The following NRXN1 variants were observed in gnomAD, a reference collection of about 807,000 sequenced individuals.
The protein encoded by NRXN1 is neurexin 1.
In NRXN1, 39 loss-of-function variants were observed where a neutral mutation model predicts 150.9. The ratio of observed to expected loss-of-function variants is 0.26; its 90% CI spans 0.20 to 0.34. The LOEUF (loss-of-function observed/expected upper bound fraction) is 0.34, where lower values mean the gene tolerates loss of function less well. Among genes scored for constraint, NRXN1 ranks in the 10% least tolerant of loss-of-function variants. The pLI, the probability that NRXN1 is intolerant of heterozygous loss-of-function variation, is 1.00. For missense variants in NRXN1, 1,815 were observed against 1,949.9 expected, an observed-to-expected ratio of 0.93 and a Z score of 1.30; for synonymous variants, 924 against 757.0, an observed-to-expected ratio of 1.22 and a Z score of -3.62.
intron 17 of NRXN1, among the ~76,000 whole-genome samples, chr2:50,460,880 A>G (rs1271922489): frequency 1.3e-5 from 2 of 152,036 alleles, no homozygotes; most frequent in Non-Finnish European, 2.9e-5. Context: ...CATACTCACA[A>G]AGAGTATCTG....
chr2:50,921,380 T>G (rs1327742615), intron 5 of NRXN1, among the ~76,000 whole-genome samples: 3 of 151,762 alleles, frequency 2.0e-5, no homozygotes, highest in Non-Finnish European at 2.9e-5. Flanking sequence ...AATACTGCCT[T>G]TTTAGGTTAC....
intron 5 of NRXN1, among the ~76,000 whole-genome samples, chr2:50,804,694 T>C (rs573437689): frequency 6.6e-6 from 1 of 152,260 alleles, no homozygotes; most frequent in East Asian, 1.9e-4. Flanking sequence ...GTCCCCTTTT[T>C]TTCTTTCTTT....
intron 18 of NRXN1, among the ~76,000 whole-genome samples, chr2:50,103,392 T>A (rs929325760): frequency 6.6e-6 from 1 of 152,024 alleles, no homozygotes; most frequent in Non-Finnish European, 1.5e-5. Flanking sequence ...AGTACCCTCC[T>A]TAAATTGGTA....
At chr2:50,778,995 C>G (rs138212759) in intron 5 of NRXN1, among the ~76,000 whole-genome samples, 20 of 152,218 alleles carry the variant, frequency 1.3e-4, no homozygotes, top group African/African-American at 4.6e-4. Context: ...AAGACTATGT[C>G]TCTGTACCTA....
chr2:49,926,433 T>C (rs1383165536), intron 22 of NRXN1: 3 of 398,204 alleles, frequency 7.5e-6, no homozygotes, highest in Non-Finnish European at 1.3e-5. Context: ...TTGTTTTTTG[T>C]TGTCTAATAT....
At chr2:51,029,873 T>A (rs1671201654) in intron 1 of NRXN1, among the ~76,000 whole-genome samples, 3 of 152,200 alleles carry the variant, frequency 2.0e-5, no homozygotes, top group Admixed American at 2.0e-4. Flanking sequence ...AAGTATTTAA[T>A]ATTTTGCCTA....
At chr2:50,791,551 A>G (rs1357074153) in intron 5 of NRXN1, among the ~76,000 whole-genome samples, 2 of 152,038 alleles carry the variant, frequency 1.3e-5, no homozygotes, top group Non-Finnish European at 2.9e-5. Context: ...TTTGGTCTTT[A>G]GTATGTACTC....
intron 17 of NRXN1, among the ~76,000 whole-genome samples, chr2:50,446,689 T>C (rs540197322): frequency 6.6e-6 from 1 of 152,128 alleles, no homozygotes; most frequent in East Asian, 1.9e-4. Context: ...AAATACTGAG[T>C]AATACTTTTT....
intron 18 of NRXN1, among the ~76,000 whole-genome samples, chr2:50,138,358 C>T (rs912172272): frequency 6.6e-6 from 1 of 152,126 alleles, no homozygotes; most frequent in African/African-American, 2.4e-5. Flanking sequence ...AAAAAACAAT[C>T]TTCCTACAAG....
In NRXN1 at chr2:50,663,271, T is replaced by C. The variant is rs555155253; in HGVS notation, c.833-39656A>G. ...AAAATCACCTTGTTCCTTCCAACTT[T>C]GCTGCTTGTTCTCACATCTCTGTCT... On this transcript the variant is annotated intron_variant, in intron 5 of 22. Transcript: ENST00000401669. 5.9e-5 allele frequency among the ~76,000 whole-genome samples: 9 copies of C among 152,196 alleles called. No homozygotes were observed. The South Asian group carries it at 1.9e-3, about 32-fold the overall frequency.
chr2:50,155,577 A>G (rs183939696), intron 18 of NRXN1, among the ~76,000 whole-genome samples: 6 of 151,688 alleles, frequency 4.0e-5, no homozygotes, highest in Non-Finnish European at 8.9e-5. Flanking sequence ...TCTCTAGAAT[A>G]AAAAACAATA....
At chr2:50,384,666 G>A (rs1234389158) in intron 17 of NRXN1, among the ~76,000 whole-genome samples, 1 of 151,910 alleles carries the variant, frequency 6.6e-6, no homozygotes. Flanking sequence ...CTTCAGACTT[G>A]GAAACTCCAC....
rs116471232 is a variant in NRXN1 at position 50,603,057 on chromosome 2, G to A, written c.1320+16965C>T. 9.7e-3 allele frequency among the ~76,000 whole-genome samples: 1,480 copies of A among 152,208 alleles called. 26 individuals carry two copies. Among genetic ancestry groups the A allele is most frequent in the African/African-American group, 0.033 (1,382 of 41,512 alleles). ...ATCCTCTGGAAGAGATCTCTCACCT[G>A]TTCACAAGCACCATACCTCTCAGAG... On this transcript the variant is annotated intron_variant, in intron 8 of 22. Coordinates refer to ENST00000401669, the MANE Select transcript of NRXN1 (RefSeq NM_001330078.2).
chr2:50,429,206 G>C (rs2084747110), intron 17 of NRXN1, among the ~76,000 whole-genome samples: 1 of 151,958 alleles, frequency 6.6e-6, no homozygotes, highest in African/African-American at 2.4e-5. Flanking sequence ...AAAGTATATA[G>C]AGTGTCTCTA....
rs568376130 is a variant in NRXN1 at position 50,174,150 on chromosome 2, T to C, written c.3546+62639A>G. On this transcript the variant is annotated intron_variant, in intron 18 of 22. Coordinates refer to ENST00000401669, the MANE Select transcript of NRXN1 (RefSeq NM_001330078.2). ...CACCTCAGAAAACCTGTCTTAATAT[T>C]ATACAGGTAGAATAATTTACCAAGG... Among the ~76,000 whole-genome samples, 15 of 152,244 alleles carry C rather than the reference T, an allele frequency of 9.9e-5. 1 individual carries two copies. Among genetic ancestry groups the C allele is most frequent in the African/African-American group, 3.6e-4 (15 of 41,560 alleles).
chr2:50,499,655 G>A (rs556682670), intron 13 of NRXN1, among the ~76,000 whole-genome samples: 235 of 152,212 alleles, frequency 1.5e-3, no homozygotes, highest in African/African-American at 5.5e-3. Context: ...AATATGAGAA[G>A]CTTAAAAATC....
chr2:50,355,666 A>G (rs1004578489), intron 17 of NRXN1, among the ~76,000 whole-genome samples: 1 of 152,168 alleles, frequency 6.6e-6, no homozygotes, highest in Non-Finnish European at 1.5e-5. Context: ...ATCAAATGTT[A>G]ATATATATTT....
intron 5 of NRXN1, among the ~76,000 whole-genome samples, chr2:50,807,993 C>G (rs1438515924): frequency 2.0e-5 from 3 of 152,200 alleles, no homozygotes; most frequent in African/African-American, 7.2e-5. Context: ...GTCCACATCT[C>G]TGAATTATCT....
chr2:51,005,518 C>T (rs1489941064), intron 2 of NRXN1, among the ~76,000 whole-genome samples: 1 of 151,872 alleles, frequency 6.6e-6, no homozygotes, highest in East Asian at 1.9e-4. Flanking sequence ...GGATTCATCA[C>T]CATGAGAATG....
Sources: gnomAD v4.1 joint callset for allele counts (sites outside exome capture counted in the v4.1 genomes callset) on GRCh38, gnomAD v4.1.1 for gene constraint, MANE v1.5 for transcripts, NCBI Gene and HGNC (gene_info 2026-07-23, HGNC 2026-07-21) for gene names.